The following ZNF532 variants were observed in gnomAD, a reference collection of about 807,000 sequenced individuals.
The protein encoded by ZNF532 is zinc finger protein 532.
Under a neutral mutation model 89.3 loss-of-function variants are expected in ZNF532, and 22 were observed. The observed-to-expected ratio is 0.25, with a 90% confidence interval of 0.18 to 0.35. The LOEUF (loss-of-function observed/expected upper bound fraction) is 0.35, where lower values mean the gene tolerates loss of function less well. Ranked by LOEUF, ZNF532 falls within the 10% of genes least tolerant of loss-of-function variation. ZNF532 has a pLI of 1.00. For missense variants in ZNF532, 1,132 were observed against 1,643.4 expected (o/e 0.69, Z 5.38); for synonymous variants, 606 against 649.6 (o/e 0.93, Z 1.02).
In ZNF532 at chr18:58,918,914, T is replaced by C. The variant is rs752635080; in HGVS notation, c.627T>C (p.Ser209=). 1.9e-6 allele frequency: 3 copies of C among 1,613,982 alleles called. No homozygotes were observed. Among genetic ancestry groups the C allele is most frequent in the Non-Finnish European group, 2.5e-6 (3 of 1,180,044 alleles). Residue 209 remains serine (S), a synonymous_variant, in exon 3 of 10, where the codon TCT becomes TCC. Transcript: ENST00000591808. The part of the protein sequence containing the change: ...KAVKRETEAS[S]INLSVYEPFK... The stretch of plus-strand genomic sequence containing the variant: ...TTAAGAGAGAAACAGAAGCCAGTTC[T>C]ATAAACCTGAGTGTTTATGAACCTT...
intron 2 of ZNF532, among the ~76,000 whole-genome samples, chr18:58,894,826 A>G (rs1157767560): frequency 6.6e-6 from 1 of 152,180 alleles, no homozygotes; most frequent in African/African-American, 2.4e-5. Context: ...GAATATTTAG[A>G]GATTAATGTA....
intron 2 of ZNF532, among the ~76,000 whole-genome samples, chr18:58,869,793 G>A (rs1028067925): frequency 2.9e-5 from 4 of 139,926 alleles, no homozygotes; most frequent in Non-Finnish European, 6.1e-5. Context: ...TGGAGTTGGA[G>A]TCTCGCTTTG....
intron 2 of ZNF532, among the ~76,000 whole-genome samples, chr18:58,866,293 G>A (rs1392589592): frequency 6.6e-6 from 1 of 152,200 alleles, no homozygotes; most frequent in East Asian, 1.9e-4. Flanking sequence ...TTAGGTTTGA[G>A]CAGGCATTTT....
intron 2 of ZNF532, among the ~76,000 whole-genome samples, chr18:58,917,116 T>C (rs2060654334): frequency 6.6e-6 from 1 of 152,190 alleles, no homozygotes; most frequent in Non-Finnish European, 1.5e-5. Context: ...CTTTCTCTTC[T>C]CTCACTCTCT....
intron 9 of ZNF532, among the ~76,000 whole-genome samples, chr18:58,983,603 C>A (rs903621372): frequency 2.0e-5 from 3 of 152,112 alleles, no homozygotes; most frequent in Non-Finnish European, 4.4e-5. Flanking sequence ...ACATATACCC[C>A]CCCCTTGCTT....
intron 2 of ZNF532, among the ~76,000 whole-genome samples, chr18:58,903,177 T>G (rs1363035040): frequency 1.3e-5 from 2 of 152,200 alleles, no homozygotes; most frequent in East Asian, 3.9e-4. Flanking sequence ...AGGCTCTTCC[T>G]TCAGTAGAAC....
At chr18:58,975,932 G>T (rs2073720238) in intron 7 of ZNF532, among the ~76,000 whole-genome samples, 1 of 152,134 alleles carries the variant, frequency 6.6e-6, no homozygotes, top group South Asian at 2.1e-4. Context: ...GAAGCAAACG[G>T]CCTAAAGTCT....
chr18:58,879,001 G>T (rs2057665646), intron 2 of ZNF532, among the ~76,000 whole-genome samples: 1 of 152,202 alleles, frequency 6.6e-6, no homozygotes, highest in African/African-American at 2.4e-5. Context: ...ATCACCTGTA[G>T]TCCTCTGTCC....
chr18:58,889,164 C>T (rs552982887), intron 2 of ZNF532, among the ~76,000 whole-genome samples: 2 of 151,572 alleles, frequency 1.3e-5, no homozygotes, highest in Non-Finnish European at 2.9e-5. Context: ...ATCATGTTTT[C>T]TCTTTCCGTG....
At chr18:58,883,413 G>A (rs2058065177) in intron 2 of ZNF532, among the ~76,000 whole-genome samples, 1 of 152,142 alleles carries the variant, frequency 6.6e-6, no homozygotes, top group South Asian at 2.1e-4. Context: ...TTTGGAGGAT[G>A]AGAACAGCTG....
intron 2 of ZNF532, among the ~76,000 whole-genome samples, chr18:58,875,181 C>T (rs1357186563): frequency 6.7e-6 from 1 of 149,864 alleles, no homozygotes; most frequent in Non-Finnish European, 1.5e-5. Context: ...AAAATTAAAA[C>T]TTTTTTTTCC....
At chr18:58,930,933 CT>C in intron 3 of ZNF532, among the ~76,000 whole-genome samples, 1 of 152,092 alleles carries the variant, frequency 6.6e-6, no homozygotes, top group South Asian at 2.1e-4. Context: ...GATGCAGAAC[CT>C]CAGGATACAG....
intron 2 of ZNF532, chr18:58,896,706 A>T (rs1163691010): frequency 6.6e-6 from 1 of 152,162 alleles, no homozygotes; most frequent in Non-Finnish European, 1.5e-5. Context: ...AAACCACCTC[A>T]GATCTTTCTG....
chr18:58,935,176 A>T (rs1163338477), intron 4 of ZNF532, among the ~76,000 whole-genome samples: 94 of 1,862 alleles, frequency 0.05, 1 homozygote, highest in African/African-American at 0.19. Context: ...CCTCCTCCCC[A>T]CTCCTCCTCC....
At chr18:58,875,651 A>G (rs1407444287) in intron 2 of ZNF532, among the ~76,000 whole-genome samples, 2 of 152,134 alleles carry the variant, frequency 1.3e-5, no homozygotes, top group Non-Finnish European at 2.9e-5. Flanking sequence ...TGTGTGCTGG[A>G]TGCCTTATAC....
intron 9 of ZNF532, among the ~76,000 whole-genome samples, chr18:58,982,579 G>A (rs184249608): frequency 2.0e-4 from 31 of 152,162 alleles, no homozygotes; most frequent in Non-Finnish European, 3.5e-4. Context: ...CCAAGATCAC[G>A]CCACTGCACT....
At chr18:58,968,497 A>G (rs1396208495) in intron 7 of ZNF532, among the ~76,000 whole-genome samples, 1 of 152,188 alleles carries the variant, frequency 6.6e-6, no homozygotes, top group Non-Finnish European at 1.5e-5. Flanking sequence ...AAGCTTACAG[A>G]TGGCAAAGCC....
chr18:58,891,249 G>A (rs1347368824), intron 2 of ZNF532, among the ~76,000 whole-genome samples: 1 of 152,218 alleles, frequency 6.6e-6, no homozygotes, highest in Non-Finnish European at 1.5e-5. Context: ...GAACCTGGAG[G>A]CCTGGCCTGG....
chr18:58,938,145 T>C (rs1188169744), intron 4 of ZNF532, among the ~76,000 whole-genome samples: 1 of 152,370 alleles, frequency 6.6e-6, no homozygotes, highest in East Asian at 1.9e-4. Context: ...TAGATTGTCA[T>C]AGAAGTCTTT....
Sources: allele counts gnomAD v4.1 joint callset (sites outside exome capture counted in the v4.1 genomes callset), GRCh38; gene constraint gnomAD v4.1.1; transcripts MANE v1.5; gene names NCBI Gene and HGNC (gene_info 2026-07-23, HGNC 2026-07-21).